Variants in CSMD1 observed in about 807,000 individuals in gnomAD.
CSMD1 encodes CUB and Sushi multiple domains 1.
CSMD1 carries 213 observed loss-of-function variants against 417.5 expected under a neutral mutation model. The ratio of observed to expected loss-of-function variants is 0.51; its 90% CI spans 0.46 to 0.57. The LOEUF (loss-of-function observed/expected upper bound fraction) is 0.57. CSMD1 is among the 20% of genes least tolerant of loss of function. The pLI, the probability that CSMD1 is intolerant of heterozygous loss-of-function variation, is 0.00. For missense variants in CSMD1, 6,923 were observed against 4,529.7 expected (o/e 1.53, Z -15.17); for synonymous variants, 2,862 against 1,736.8 (o/e 1.65, Z -16.11).
intron 37 of CSMD1, among the ~76,000 whole-genome samples, chr8:3,177,073 C>T (rs55733965): frequency 0.18 from 27,681 of 152,034 alleles, 2,910 homozygotes; most frequent in Admixed American, 0.26. Context: ...CAACCATGCC[C>T]AGCTTGGTGA....
intron 2 of CSMD1, among the ~76,000 whole-genome samples, chr8:4,432,159 A>T (rs1246456403): frequency 2.0e-5 from 3 of 152,218 alleles, no homozygotes. Flanking sequence ...GGATTATAAA[A>T]ACATGATTGG....
At position 4,081,316 on chromosome 8, in the gene CSMD1, C is replaced by G. The variant is rs539876289; in HGVS notation, c.416-49217G>C. Among the ~76,000 whole-genome samples, 9 of 152,290 alleles carry G rather than the reference C, an allele frequency of 5.9e-5. No individual in the cohort carries two copies. The South Asian group carries it at 1.9e-3, about 32-fold the overall frequency. ...GCAGGTAAGCTCTATGGTCCCCTCC[C>G]ACGTTGAATAGGTTTGATAGGGTTA... On this transcript the variant is annotated intron_variant, in intron 3 of 69. Coordinates refer to ENST00000635120, the MANE Select transcript of CSMD1 (RefSeq NM_033225.6).
intron 3 of CSMD1, among the ~76,000 whole-genome samples, chr8:4,278,219 G>A (rs531766399): frequency 1.3e-5 from 2 of 152,066 alleles, no homozygotes; most frequent in Admixed American, 6.6e-5. Flanking sequence ...AGCCAAGCTT[G>A]GTAAGTGTTC....
chr8:3,534,323 T>C (rs1798102173), intron 10 of CSMD1, among the ~76,000 whole-genome samples: 2 of 152,138 alleles, frequency 1.3e-5, no homozygotes, highest in Admixed American at 1.3e-4. Flanking sequence ...GTAAGCTCCT[T>C]GGAGACCTGT....
chr8:4,153,232 G>A (rs754210821), intron 3 of CSMD1, among the ~76,000 whole-genome samples: 8 of 152,194 alleles, frequency 5.3e-5, no homozygotes, highest in Non-Finnish European at 1.0e-4. Context: ...AAGGGGAGCT[G>A]GAGAGTATGC....
At chr8:4,920,963 AAAG>A (rs766111220) in intron 1 of CSMD1, among the ~76,000 whole-genome samples, 5,320 of 17,036 alleles carry the variant, frequency 0.31, 712 homozygotes, top group Admixed American at 0.42. Context: ...AGAAAGAAAG[AAAG>A]AAAGAAAGAA....
At chr8:4,678,592 G>A (rs546387793) in intron 1 of CSMD1, among the ~76,000 whole-genome samples, 21 of 152,050 alleles carry the variant, frequency 1.4e-4, no homozygotes, top group African/African-American at 4.8e-4. Context: ...ATTAAGTGAA[G>A]AAATAAATTA....
At chr8:4,011,765 C>G (rs1231280703) in intron 4 of CSMD1, among the ~76,000 whole-genome samples, 1 of 152,102 alleles carries the variant, frequency 6.6e-6, no homozygotes, top group Non-Finnish European at 1.5e-5. Flanking sequence ...GTGGTTACAT[C>G]TTATACAAGT....
chr8:3,037,307 G>C (rs189352624), intron 50 of CSMD1, among the ~76,000 whole-genome samples: 1 of 113,576 alleles, frequency 8.8e-6, no homozygotes, highest in South Asian at 2.5e-4. Flanking sequence ...CTGGGTTCAC[G>C]CCATTCTCCT....
intron 1 of CSMD1, among the ~76,000 whole-genome samples, chr8:4,806,451 G>C (rs28410135): frequency 6.6e-6 from 1 of 152,102 alleles, no homozygotes; most frequent in Admixed American, 6.5e-5. Flanking sequence ...TCAACACCCT[G>C]CCTGCTTCCC....
At position 4,309,101 on chromosome 8, in the gene CSMD1, C is replaced by A. The variant is rs190381548; in HGVS notation, c.415+110852G>T. ...TAGGTTATTTTTGTAGTCACTTGTTCTATCTAGTTTAATCAATGTCAGGGT... is the reference window on the plus strand; with the variant it reads ...TAGGTTATTTTTGTAGTCACTTGTTATATCTAGTTTAATCAATGTCAGGGT... On this transcript the variant is annotated intron_variant, in intron 3 of 69. Coordinates refer to ENST00000635120, the MANE Select transcript of CSMD1 (RefSeq NM_033225.6). Among the ~76,000 whole-genome samples the A allele has an allele frequency of 4.1e-4, 62 of 152,238 alleles. 1 individual carries two copies. Among genetic ancestry groups the A allele is most frequent in the East Asian group, 3.5e-3 (18 of 5,180 alleles).
At chr8:4,592,110 G>A (rs984495638) in intron 2 of CSMD1, among the ~76,000 whole-genome samples, 4 of 151,962 alleles carry the variant, frequency 2.6e-5, no homozygotes, top group Non-Finnish European at 1.5e-5. Flanking sequence ...TTAACGAGCG[G>A]CTTTGCTGGC....
intron 2 of CSMD1, among the ~76,000 whole-genome samples, chr8:4,428,993 C>T (rs1797719017): frequency 1.3e-5 from 2 of 152,028 alleles, no homozygotes; most frequent in South Asian, 4.2e-4. Flanking sequence ...GGAATATAGG[C>T]ATAAGGCACT....
At chr8:3,628,610 G>A (rs1008443028) in intron 7 of CSMD1, among the ~76,000 whole-genome samples, 1 of 152,172 alleles carries the variant, frequency 6.6e-6, no homozygotes, top group Non-Finnish European at 1.5e-5. Flanking sequence ...GGGAGGAAGA[G>A]GGAGTGTCTC....
rs2128955378 is a variant in CSMD1 at position 3,000,139 on chromosome 8, T to C, written c.8030-8A>G. On this transcript the variant is annotated splice_region_variant and splice_polypyrimidine_tract_variant and intron_variant, in intron 52 of 69. Transcript: ENST00000635120. ...GGGAACCGCAGTGGCCAGCTAAAAA[T>C]GTTAAACCAATTTTAAAATTTAGAG... 6.5e-7 allele frequency: 1 copy of C among 1,526,738 alleles called. No homozygotes were observed. The highest frequency in any genetic ancestry group is 8.8e-7 in the Non-Finnish European group (1 of 1,131,578). The allele number at this position is 1,526,738 out of a possible 1,614,324, so 94.6% of individuals were successfully genotyped here. A position where few individuals can be genotyped will look rare whatever the true frequency, so the allele number is the denominator to read the frequency against.
At position 4,508,664 on chromosome 8, in the gene CSMD1, T is replaced by C. The variant is rs188910530; in HGVS notation, c.303-88599A>G. On this transcript the variant is annotated intron_variant, in intron 2 of 69. Transcript: ENST00000635120. ...CAACCCCCACCCTCTGAAAAAATAA[T>C]GCTTGATAACAAGGCAGCTGGTAGT... Among the ~76,000 whole-genome samples, 129 of 152,066 alleles carry C rather than the reference T, an allele frequency of 8.5e-4. 2 individuals are homozygous for C. Among genetic ancestry groups the C allele is most frequent in the African/African-American group, 2.9e-3 (122 of 41,516 alleles).
At chr8:3,810,532 T>C (rs558473529) in intron 5 of CSMD1, among the ~76,000 whole-genome samples, 70 of 152,250 alleles carry the variant, frequency 4.6e-4, no homozygotes, top group African/African-American at 1.6e-3. Flanking sequence ...GGATGCCTCC[T>C]TGGTGTGGTC....
chr8:4,705,792 A>C (rs1041080676), intron 1 of CSMD1, among the ~76,000 whole-genome samples: 18 of 152,166 alleles, frequency 1.2e-4, no homozygotes, highest in Admixed American at 2.6e-4. Flanking sequence ...TCTATCTTAC[A>C]GAGTGTCTAG....
Position 2,957,749 on chromosome 8 carries a change from G to C in CSMD1, c.9761C>G (p.Thr3254Ser). ...RKGYHIQGST[T>S]RTCLANLTWS... ...TGTTAAATTGGCAAGGCAGGTGCGA[G>C]TCGTGGAACCTTGAATATGGTAGCC... The change falls in exon 63 of 70, where the codon ACT becomes AGT. Residue 3254 changes from threonine (T) to serine (S), a missense_variant. Physicochemically the swap from Thr to Ser is moderately conservative, Grantham distance 58 (BLOSUM62 1). Coordinates refer to ENST00000635120, the MANE Select transcript of CSMD1 (RefSeq NM_033225.6). 2 of 1,600,148 alleles carry C rather than the reference G, an allele frequency of 1.2e-6. No homozygotes were observed. Among genetic ancestry groups the C allele is most frequent in the South Asian group, 1.1e-5 (1 of 88,158 alleles).
Sources: allele counts gnomAD v4.1 joint callset (sites outside exome capture counted in the v4.1 genomes callset), GRCh38; gene constraint gnomAD v4.1.1; transcripts MANE v1.5; gene names NCBI Gene and HGNC (gene_info 2026-07-23, HGNC 2026-07-21).